DLG2: variants seen among roughly 807,000 people sequenced by gnomAD.
DLG2 encodes the protein disks large homolog 2.
Under a neutral mutation model 132.5 loss-of-function variants are expected in DLG2, and 45 were observed. The observed-to-expected ratio is 0.34, with a 90% CI of 0.27 to 0.44. The LOEUF is 0.44. DLG2 is among the 20% of genes least tolerant of loss of function. The pLI is 1.00. For missense variants in DLG2, 1,045 were observed against 1,196.9 expected, an observed-to-expected ratio of 0.87 and a Z score of 1.87; for synonymous variants, 424 against 419.6, an observed-to-expected ratio of 1.01 and a Z score of -0.13.
intron 3 of DLG2, among the ~76,000 whole-genome samples, chr11:85,434,704 C>T (rs2091382838): frequency 6.6e-6 from 1 of 152,016 alleles, no homozygotes; most frequent in Non-Finnish European, 1.5e-5. Context: ...CCAAAAAAAG[C>T]CCAGGATCAG....
chr11:83,496,309 C>T (rs747380118), intron 21 of DLG2, among the ~76,000 whole-genome samples: 1 of 151,724 alleles, frequency 6.6e-6, no homozygotes, highest in African/African-American at 2.4e-5. Flanking sequence ...TAAAGACTGA[C>T]AATATTAAGT....
intron 3 of DLG2, among the ~76,000 whole-genome samples, chr11:85,321,864 A>G (rs986725756): frequency 2.6e-5 from 4 of 152,048 alleles, no homozygotes; most frequent in Non-Finnish European, 5.9e-5. Flanking sequence ...GAATTAGAGG[A>G]AAAGAGATGC....
chr11:84,970,943 A>T (rs1366566688), intron 6 of DLG2, among the ~76,000 whole-genome samples: 5 of 152,158 alleles, frequency 3.3e-5, no homozygotes, highest in Non-Finnish European at 1.5e-5. Context: ...TATTTTCAAT[A>T]CTTATTGAAT....
chr11:85,577,928 G>A (rs1050255739), intron 3 of DLG2, among the ~76,000 whole-genome samples: 4 of 152,016 alleles, frequency 2.6e-5, no homozygotes, highest in African/African-American at 9.7e-5. Context: ...AGCCCAAATA[G>A]CCAAGGCAAC....
chr11:84,358,577 G>A (rs1420004678), intron 7 of DLG2, among the ~76,000 whole-genome samples: 3 of 151,526 alleles, frequency 2.0e-5, no homozygotes, highest in African/African-American at 4.9e-5. Flanking sequence ...AGGTTATTTG[G>A]AAAAATAACT....
intron 6 of DLG2, among the ~76,000 whole-genome samples, chr11:85,043,040 C>T (rs1025544057): frequency 1.3e-5 from 2 of 151,856 alleles, no homozygotes; most frequent in Non-Finnish European, 2.9e-5. Flanking sequence ...CCTGACATTA[C>T]ATCGTCAGCC....
chr11:84,011,805 TA>T (rs779121362), intron 11 of DLG2, among the ~76,000 whole-genome samples: 12 of 152,098 alleles, frequency 7.9e-5, no homozygotes, highest in Non-Finnish European at 1.5e-4. Context: ...ACCTTGGCAC[TA>T]AAAAACACTA....
At chr11:85,231,683 A>G (rs1007603625) in intron 4 of DLG2, among the ~76,000 whole-genome samples, 29 of 151,922 alleles carry the variant, frequency 1.9e-4, no homozygotes, top group Non-Finnish European at 4.0e-4. Flanking sequence ...TTACTAGCAC[A>G]TTAGCTTTAT....
intron 6 of DLG2, among the ~76,000 whole-genome samples, chr11:84,557,550 ATTT>A (rs988577246): frequency 1.3e-5 from 2 of 151,860 alleles, no homozygotes; most frequent in African/African-American, 4.8e-5. Flanking sequence ...TATTGTGGCT[ATTT>A]TTCTACAACA....
At chr11:84,048,281 C>T (rs915461559) in intron 11 of DLG2, among the ~76,000 whole-genome samples, 3 of 151,486 alleles carry the variant, frequency 2.0e-5, no homozygotes, top group Non-Finnish European at 4.4e-5. Context: ...TTTCTTATTC[C>T]ATATATTTTA....
chr11:84,867,008 G>C (rs1326962179), intron 6 of DLG2, among the ~76,000 whole-genome samples: 1 of 152,190 alleles, frequency 6.6e-6, no homozygotes, highest in Non-Finnish European at 1.5e-5. Flanking sequence ...AAGCAGTAAA[G>C]ATTTTATGAA....
At chr11:85,229,046 C>T (rs192861303) in intron 4 of DLG2, among the ~76,000 whole-genome samples, 4 of 151,414 alleles carry the variant, frequency 2.6e-5, no homozygotes, top group Non-Finnish European at 4.4e-5. Context: ...TTATCACTGT[C>T]CACACTGAAT....
At chr11:84,213,430 C>G (rs1010489623) in intron 8 of DLG2, among the ~76,000 whole-genome samples, 3 of 152,128 alleles carry the variant, frequency 2.0e-5, no homozygotes, top group African/African-American at 7.2e-5. Context: ...GTAAGCTACT[C>G]AAGGTATGAT....
intron 18 of DLG2, among the ~76,000 whole-genome samples, chr11:83,739,258 T>C (rs1424098950): frequency 1.3e-5 from 2 of 152,190 alleles, no homozygotes; most frequent in African/African-American, 4.8e-5. Flanking sequence ...GAATCTTTTG[T>C]GCTATGCAGA....
chr11:83,590,796 T>C (rs1347520708), intron 19 of DLG2, among the ~76,000 whole-genome samples: 1 of 151,958 alleles, frequency 6.6e-6, no homozygotes, highest in Admixed American at 6.6e-5. Context: ...CAATAAAAAA[T>C]GATAAAGGGG....
At chr11:85,054,061 T>G (rs2063193843) in intron 6 of DLG2, among the ~76,000 whole-genome samples, 1 of 151,682 alleles carries the variant, frequency 6.6e-6, no homozygotes, top group East Asian at 2.0e-4. Flanking sequence ...CGTCAGGAGA[T>G]CGAGACCAGC....
At chr11:84,916,088 G>A (rs1460783315) in intron 6 of DLG2, among the ~76,000 whole-genome samples, 2 of 152,058 alleles carry the variant, frequency 1.3e-5, no homozygotes, top group Non-Finnish European at 2.9e-5. Context: ...GCTCACGCCT[G>A]TAATCCCAGC....
intron 11 of DLG2, among the ~76,000 whole-genome samples, chr11:84,010,319 T>TTA (rs1566024449): frequency 1.9e-5 from 2 of 103,006 alleles, no homozygotes; most frequent in Non-Finnish European, 2.4e-5. Flanking sequence ...TATTATTATT[T>TTA]TTGAGACCGG....
intron 4 of DLG2, among the ~76,000 whole-genome samples, chr11:85,236,656 T>A (rs1295998646): frequency 6.6e-6 from 1 of 152,050 alleles, no homozygotes; most frequent in Non-Finnish European, 1.5e-5. Flanking sequence ...CAACTATGTG[T>A]CAGATGTTTT....
Sources: allele counts gnomAD v4.1 joint callset (sites outside exome capture counted in the v4.1 genomes callset), GRCh38; gene constraint gnomAD v4.1.1; transcripts MANE v1.5; gene names NCBI Gene and HGNC (gene_info 2026-07-23, HGNC 2026-07-21).